The following MYO9A variants were observed in gnomAD, a reference collection of about 807,000 sequenced individuals.
MYO9A encodes the protein myosin IXA, also known as unconventional myosin-IXa.
Under a neutral mutation model 293.3 loss-of-function variants are expected in MYO9A, and 103 were observed. The observed-to-expected ratio is 0.35, with a 90% CI of 0.30 to 0.41. The LOEUF (loss-of-function observed/expected upper bound fraction) is 0.41, where lower values mean the gene tolerates loss of function less well. MYO9A is among the 10% of genes least tolerant of loss of function. The pLI is 1.00. For missense variants in MYO9A, 2,685 were observed against 3,033.0 expected (o/e 0.89, Z 2.69); for synonymous variants, 1,001 against 1,035.7 (o/e 0.97, Z 0.64).
intron 4 of MYO9A, among the ~76,000 whole-genome samples, chr15:72,026,275 GAAAAAAAA>G (rs35491673): frequency 2.2e-4 from 14 of 63,474 alleles, no homozygotes; most frequent in Admixed American, 9.9e-4. Context: ...TCCGTCTCAA[GAAAAAAAA>G]AAAAAAAAAA....
At chr15:71,859,546 T>C (rs1283332986) in intron 34 of MYO9A, among the ~76,000 whole-genome samples, 189 bp downstream of exon 34, 1 of 152,232 alleles carries the variant, frequency 6.6e-6, no homozygotes, top group East Asian at 1.9e-4. Flanking sequence ...AATCAATTCA[T>C]TTTTGTACAT....
At chr15:71,956,900 G>A (rs1320242839) in intron 14 of MYO9A, among the ~76,000 whole-genome samples, 2 of 146,230 alleles carry the variant, frequency 1.4e-5, no homozygotes, top group South Asian at 2.1e-4. Context: ...TGCTTTCAAG[G>A]TTCATTCATA....
chr15:71,994,921 G>A (rs957204119), intron 9 of MYO9A, among the ~76,000 whole-genome samples: 2 of 152,046 alleles, frequency 1.3e-5, no homozygotes, highest in Admixed American at 6.5e-5. Context: ...TAGTAGAAAC[G>A]GGGTTTCTCC....
intron 1 of MYO9A, among the ~76,000 whole-genome samples, chr15:72,106,990 TA>T (rs2080592539): frequency 6.6e-6 from 1 of 152,186 alleles, no homozygotes; most frequent in East Asian, 1.9e-4. Flanking sequence ...TTTTTGAAAC[TA>T]TTTTATAAAT....
At chr15:71,860,217 A>C (rs2056057766) in intron 33 of MYO9A, among the ~76,000 whole-genome samples, 1 of 152,232 alleles carries the variant, frequency 6.6e-6, no homozygotes, top group South Asian at 2.1e-4. Context: ...ATAGATAAGG[A>C]AGGCATTACT....
intron 4 of MYO9A, among the ~76,000 whole-genome samples, chr15:72,024,020 C>T (rs909849437): frequency 6.6e-6 from 1 of 151,514 alleles, no homozygotes; most frequent in Non-Finnish European, 1.5e-5. Context: ...AGACAGATAA[C>T]GTATTCAAAA....
At chr15:71,956,881 A>C (rs79886602) in intron 14 of MYO9A, among the ~76,000 whole-genome samples, 4 of 129,268 alleles carry the variant, frequency 3.1e-5, no homozygotes, top group African/African-American at 8.4e-5. Flanking sequence ...ATATATATAT[A>C]TATCTTAATG....
intron 4 of MYO9A, 150 bp from the exon 5 acceptor site, chr15:72,021,167 C>T (rs888751343): frequency 9.3e-5 from 50 of 536,284 alleles, no homozygotes; most frequent in Non-Finnish European, 1.4e-4. Context: ...CGTTTAAGTA[C>T]TCCTAAAAAT....
intron 1 of MYO9A, among the ~76,000 whole-genome samples, chr15:72,092,752 CAT>C (rs1249775271): frequency 6.6e-6 from 1 of 152,130 alleles, no homozygotes; most frequent in African/African-American, 2.4e-5. Context: ...GTTTGAATTT[CAT>C]ATGATTTTCA....
chr15:72,101,619 C>T (rs2080327972), intron 1 of MYO9A, among the ~76,000 whole-genome samples: 1 of 138,630 alleles, frequency 7.2e-6, no homozygotes, highest in Admixed American at 7.0e-5. Context: ...GCCCGGCCAG[C>T]CGCCCCATCC....
In MYO9A at chr15:71,884,959, CTT is replaced by C. The variant is rs544597176; in HGVS notation, c.5256-1225_5256-1224del. The stretch of plus-strand genomic sequence containing the variant: ...AAGCCCATGAGCTCTTTCTTTCTTC[CTT>C]TTTTTTTTTTTTTTTAAAAAAAAGC... On this transcript the variant is annotated intron_variant, in intron 27 of 41. Transcript: ENST00000356056. Among the ~76,000 whole-genome samples the C allele has an allele frequency of 1.9e-3, 258 of 136,588 alleles. 1 individual carries two copies. Among genetic ancestry groups the C allele is most frequent in the African/African-American group, 5.8e-3 (221 of 37,946 alleles). 89.6% of individuals were successfully genotyped at this position (136,588 alleles called of 152,430 possible). A position where few individuals can be genotyped will look rare whatever the true frequency, so the allele number is the denominator to read the frequency against.
At chr15:72,085,558 G>A (rs1330909306) in intron 1 of MYO9A, among the ~76,000 whole-genome samples, 1 of 152,100 alleles carries the variant, frequency 6.6e-6, no homozygotes, top group Non-Finnish European at 1.5e-5. Flanking sequence ...CTTGGATTGG[G>A]TTTCAGTGCA....
At chr15:72,115,197 C>T (rs1415844587) in intron 1 of MYO9A, among the ~76,000 whole-genome samples, 2 of 152,284 alleles carry the variant, frequency 1.3e-5, no homozygotes, top group South Asian at 2.1e-4. Flanking sequence ...TTCAACTCTA[C>T]CTGTAATTTA....
chr15:71,868,594 A>C (rs1469406832), intron 32 of MYO9A, among the ~76,000 whole-genome samples: 1 of 152,176 alleles, frequency 6.6e-6, no homozygotes, highest in Non-Finnish European at 1.5e-5. Context: ...CCTTGGAGGG[A>C]ACATCTTTAG....
chr15:72,063,646 GACA>G (rs2078937763), intron 1 of MYO9A, among the ~76,000 whole-genome samples: 1 of 152,158 alleles, frequency 6.6e-6, no homozygotes, highest in South Asian at 2.1e-4. Flanking sequence ...ATCCAAGACA[GACA>G]ACAACAAATG....
intron 1 of MYO9A, among the ~76,000 whole-genome samples, chr15:72,084,607 AGT>A (rs537108279): frequency 3.5e-4 from 53 of 152,314 alleles, no homozygotes; most frequent in African/African-American, 1.2e-3. Context: ...GGCTGCTAAC[AGT>A]CTTTCCATAC....
At chr15:71,998,077 C>T (rs1239108076) in intron 9 of MYO9A, among the ~76,000 whole-genome samples, 3 of 152,164 alleles carry the variant, frequency 2.0e-5, no homozygotes, top group Admixed American at 2.0e-4. Context: ...AACCTAAATG[C>T]TCATCAATGA....
chr15:71,837,603 A>G (rs2054993530), intron 39 of MYO9A, among the ~76,000 whole-genome samples: 1 of 152,082 alleles, frequency 6.6e-6, no homozygotes, highest in South Asian at 2.1e-4. Context: ...GTATTTCACC[A>G]TGAGTTAGCT....
At chr15:71,865,247 T>G (rs1325715570) in intron 32 of MYO9A, among the ~76,000 whole-genome samples, 2 of 152,156 alleles carry the variant, frequency 1.3e-5, no homozygotes, top group African/African-American at 2.4e-5. Context: ...GTTGTTTTCC[T>G]TGAAGTGACA....
Sources: allele counts gnomAD v4.1 joint callset (sites outside exome capture counted in the v4.1 genomes callset), GRCh38; gene constraint gnomAD v4.1.1; transcripts MANE v1.5; gene names NCBI Gene and HGNC (gene_info 2026-07-23, HGNC 2026-07-21).